The following OSBPL9 variants were observed in gnomAD, a reference collection of about 807,000 sequenced individuals.
The protein encoded by OSBPL9 is oxysterol binding protein like 9.
In OSBPL9, 40 loss-of-function variants were observed where a neutral mutation model predicts 106.6. The ratio of observed to expected loss-of-function variants is 0.38; its 90% CI spans 0.29 to 0.49. The LOEUF (loss-of-function observed/expected upper bound fraction) is 0.49. Ranked by LOEUF, OSBPL9 falls within the 20% of genes least tolerant of loss-of-function variation. The pLI is 0.97. For missense variants in OSBPL9, 609 were observed against 887.2 expected (o/e 0.69, Z 3.98); for synonymous variants, 269 against 295.4 (o/e 0.91, Z 0.92).
chr1:51,585,652 T>C (rs1645244079), intron 1 of OSBPL9, among the ~76,000 whole-genome samples: 1 of 152,084 alleles, frequency 6.6e-6, no homozygotes, highest in East Asian at 1.9e-4. Flanking sequence ...GGTGCGCACC[T>C]GTAATCCCAG....
intron 1 of OSBPL9, among the ~76,000 whole-genome samples, chr1:51,639,069 T>C (rs1169835024): frequency 1.3e-5 from 2 of 152,260 alleles, no homozygotes; most frequent in East Asian, 3.8e-4. Context: ...TTTATTGACG[T>C]ATAATTTTCT....
chr1:51,780,088 A>G (rs1055497648), intron 15 of OSBPL9, among the ~76,000 whole-genome samples: 11 of 152,120 alleles, frequency 7.2e-5, no homozygotes, highest in African/African-American at 2.4e-4. Context: ...AAAAAGAAAA[A>G]AAAAAAAAAG....
chr1:51,546,270 G>A, the OSBPL9 span, among the ~76,000 whole-genome samples: 1 of 152,026 alleles, frequency 6.6e-6, no homozygotes, highest in African/African-American at 2.4e-5. Flanking sequence ...GCCTGCCTTG[G>A]ACTCCCAAAG....
chr1:51,606,449 T>C (rs201815489), intron 2 of OSBPL9, among the ~76,000 whole-genome samples: 1 of 152,194 alleles, frequency 6.6e-6, no homozygotes, highest in African/African-American at 2.4e-5. Context: ...TTTATGGCTG[T>C]GATGATTTGT....
chr1:51,707,411 T>A (rs1337504940), intron 3 of OSBPL9: 1 of 177,708 alleles, frequency 5.6e-6, no homozygotes, highest in Admixed American at 6.1e-5. Context: ...GGATGGCAGA[T>A]CAGATCTGAC....
At chr1:51,684,290 C>T (rs1485172377) in intron 3 of OSBPL9, among the ~76,000 whole-genome samples, 3 of 151,470 alleles carry the variant, frequency 2.0e-5, no homozygotes, top group African/African-American at 7.3e-5. Flanking sequence ...AATACAGGTC[C>T]GAGCCATGAA....
chr1:51,755,917 A>T (rs1033150726), intron 8 of OSBPL9, among the ~76,000 whole-genome samples: 2 of 152,214 alleles, frequency 1.3e-5, no homozygotes, highest in Middle Eastern at 6.8e-3. Context: ...AGATTTGTCT[A>T]TTCTTGACTC....
chr1:51,597,427 G>A (rs61782128), intron 1 of OSBPL9, among the ~76,000 whole-genome samples: 31,452 of 79,266 alleles, frequency 0.4, 3,521 homozygotes, highest in Middle Eastern at 0.53. Flanking sequence ...ATATATATGT[G>A]TGTGTGTGTG....
chr1:51,520,373 A>T, the OSBPL9 span, among the ~76,000 whole-genome samples: 2 of 152,168 alleles, frequency 1.3e-5, no homozygotes, highest in African/African-American at 4.8e-5. Flanking sequence ...TATACCACCT[A>T]CTTCAAGAAG....
At position 51,772,622 on chromosome 1, in the gene OSBPL9, G is replaced by C; in HGVS notation, c.1069G>C (p.Asp357His). 1 of 1,613,998 alleles carries C rather than the reference G, an allele frequency of 6.2e-7. No individual in the cohort carries two copies. Among genetic ancestry groups the C allele is most frequent in the Non-Finnish European group, 8.5e-7 (1 of 1,179,838 alleles). Reference sequence around the variant, plus strand: ...TATTTTAGACCTGTTTGATTCACATGATGACAGAGATGATGATGCGGAGGC... The same window carrying C: ...TATTTTAGACCTGTTTGATTCACATCATGACAGAGATGATGATGCGGAGGC... Reference protein sequence around the residue: ...TSDADLFDSHDDRDDDAEAGS... With the variant: ...TSDADLFDSHHDRDDDAEAGS... The change falls in exon 14 of 24, where the codon GAT becomes CAT. Residue 357 changes from aspartate (D) to histidine (H), a missense_variant. Transcript: ENST00000428468.
chr1:51,714,823 T>G (rs1660729460), intron 4 of OSBPL9, among the ~76,000 whole-genome samples: 2 of 152,180 alleles, frequency 1.3e-5, no homozygotes, highest in Non-Finnish European at 2.9e-5. Context: ...AATTTCACAG[T>G]CATAGATTCT....
the OSBPL9 span, among the ~76,000 whole-genome samples, chr1:51,552,958 A>C: frequency 0.25 from 38,169 of 151,640 alleles, 5,395 homozygotes; most frequent in Middle Eastern, 0.36. Flanking sequence ...CTAAGTATCA[A>C]AGTTCTTTAA....
the OSBPL9 span, among the ~76,000 whole-genome samples, chr1:51,547,577 G>A: frequency 3.3e-4 from 50 of 152,226 alleles, no homozygotes; most frequent in African/African-American, 1.2e-3. Context: ...GGGCACGGTG[G>A]TTCACCTGTG....
intron 2 of OSBPL9, among the ~76,000 whole-genome samples, chr1:51,662,741 A>T (rs1299020320): frequency 7.0e-6 from 1 of 143,224 alleles, no homozygotes; most frequent in African/African-American, 2.8e-5. Flanking sequence ...AAAATCAACG[A>T]ATTTTTTTTT....
intron 1 of OSBPL9, among the ~76,000 whole-genome samples, chr1:51,639,587 G>A (rs1024937350): frequency 2.0e-5 from 3 of 152,058 alleles, no homozygotes; most frequent in Non-Finnish European, 2.9e-5. Context: ...ATGCACATAC[G>A]TTATTATCAT....
chr1:51,662,920 A>G (rs1022988463), intron 2 of OSBPL9, among the ~76,000 whole-genome samples: 3 of 151,674 alleles, frequency 2.0e-5, no homozygotes, highest in East Asian at 1.9e-4. Flanking sequence ...AATTTTTTGT[A>G]TTTTTAGTAG....
At chr1:51,719,899 T>C (rs143124121) in intron 4 of OSBPL9, among the ~76,000 whole-genome samples, 103 of 152,342 alleles carry the variant, frequency 6.8e-4, no homozygotes, top group African/African-American at 2.4e-3. Context: ...CTACTTACAA[T>C]GTGCAAATGG....
At chr1:51,576,684 C>T (rs1310533492), upstream of OSBPL9, among the ~76,000 whole-genome samples, 1 of 152,004 alleles carries the variant, frequency 6.6e-6, no homozygotes, top group African/African-American at 2.4e-5. Context: ...TGCCACTACA[C>T]CTGGCTAATT....
intron 1 of OSBPL9, among the ~76,000 whole-genome samples, chr1:51,585,172 T>G (rs1285532413): frequency 5.8e-5 from 1 of 17,376 alleles, no homozygotes; most frequent in African/African-American, 2.1e-4. Context: ...AGGCCCCATC[T>G]CTTAAAAAAA....
Sources: allele counts gnomAD v4.1 joint callset (sites outside exome capture counted in the v4.1 genomes callset), GRCh38; gene constraint gnomAD v4.1.1; transcripts MANE v1.5; gene names NCBI Gene and HGNC (gene_info 2026-07-23, HGNC 2026-07-21).